ADGRG6: variants seen among roughly 807,000 people sequenced by gnomAD.
The protein encoded by ADGRG6 is adhesion G protein-coupled receptor G6.
Under a neutral mutation model 142.4 loss-of-function variants are expected in ADGRG6, and 84 were observed. The ratio of observed to expected loss-of-function variants is 0.59; its 90% CI spans 0.49 to 0.71. ADGRG6 has a LOEUF of 0.71. ADGRG6 is among the 30% of genes least tolerant of loss of function. ADGRG6 has a pLI of 0.00. For synonymous variants in ADGRG6, 521 were observed against 520.5 expected (o/e 1.00, Z -0.01); for missense variants, 1,367 against 1,466.6 (o/e 0.93, Z 1.11).
intron 2 of ADGRG6, among the ~76,000 whole-genome samples, chr6:142,334,590 C>T (rs918009685): frequency 6.6e-6 from 1 of 152,104 alleles, no homozygotes; most frequent in African/African-American, 2.4e-5. Context: ...ATGGCTTTTT[C>T]CCCAAAGTAA....
At chr6:142,348,471 A>T (rs1257088371) in intron 2 of ADGRG6, among the ~76,000 whole-genome samples, 1 of 152,184 alleles carries the variant, frequency 6.6e-6, no homozygotes, top group Non-Finnish European at 1.5e-5. Context: ...TCCCTACATT[A>T]TTAAAAAGTA....
chr6:142,358,355 A>T (rs1780555773), intron 2 of ADGRG6, among the ~76,000 whole-genome samples: 1 of 152,218 alleles, frequency 6.6e-6, no homozygotes, highest in South Asian at 2.1e-4. Context: ...TGATGAACAT[A>T]AGAGTAGTCA....
intron 1 of ADGRG6, among the ~76,000 whole-genome samples, chr6:142,305,462 AC>A: frequency 1.4e-5 from 2 of 137,988 alleles, no homozygotes; most frequent in Non-Finnish European, 3.1e-5. Flanking sequence ...ACACACACAC[AC>A]ACACACAATT....
chr6:142,309,407 G>T, intron 1 of ADGRG6, 137 bp from the exon 2 acceptor site: 2 of 535,534 alleles, frequency 3.7e-6, no homozygotes, highest in Non-Finnish European at 6.6e-6. Context: ...CATCTTTTAA[G>T]TTCCTCCTCT....
chr6:142,317,775 TA>T (rs1321476926), intron 2 of ADGRG6, among the ~76,000 whole-genome samples: 2 of 98,480 alleles, frequency 2.0e-5, no homozygotes, highest in Non-Finnish European at 3.7e-5. Context: ...ATTTATATCA[TA>T]TATATTTATA....
At chr6:142,407,873 T>A (rs192248658) in intron 15 of ADGRG6, among the ~76,000 whole-genome samples, 8 of 152,318 alleles carry the variant, frequency 5.3e-5, no homozygotes, top group Admixed American at 2.6e-4. Flanking sequence ...TTGTTTCAGT[T>A]GTTAACTGGC....
chr6:142,378,621 C>G (rs752133605), intron 4 of ADGRG6, among the ~76,000 whole-genome samples: 8 of 152,184 alleles, frequency 5.3e-5, no homozygotes, highest in Non-Finnish European at 1.2e-4. Flanking sequence ...TGTGCATTTG[C>G]TTAAGTTTTC....
chr6:142,353,827 A>G (rs1225304806), intron 2 of ADGRG6, among the ~76,000 whole-genome samples: 2 of 152,224 alleles, frequency 1.3e-5, no homozygotes, highest in Non-Finnish European at 2.9e-5. Context: ...CATGAAGCAA[A>G]TGGGTAGAAC....
chr6:142,406,719 A>G (rs1583105469), intron 15 of ADGRG6, among the ~76,000 whole-genome samples: 1 of 152,232 alleles, frequency 6.6e-6, no homozygotes, highest in Admixed American at 6.5e-5. Context: ...GGTGATTTAT[A>G]TGAATGCAAT....
chr6:142,316,030 A>C (rs894921506), intron 2 of ADGRG6, among the ~76,000 whole-genome samples: 3 of 152,056 alleles, frequency 2.0e-5, no homozygotes, highest in Non-Finnish European at 4.4e-5. Context: ...TTGATTTCTT[A>C]AAATCATTAA....
Position 142,393,920 on chromosome 6 carries a change from C to T in ADGRG6, c.1386C>T (p.Asp462=). 1 of 1,561,176 alleles carries T rather than the reference C, an allele frequency of 6.4e-7. No homozygotes were observed. The highest frequency in any genetic ancestry group is 1.2e-5 in the South Asian group (1 of 84,734). The change falls in exon 9 of 25, where the codon GAC becomes GAT. Residue 462 remains aspartate (D), a synonymous_variant. Transcript: ENST00000367609. ...NISFHLSAGE[D]KIKVKRSLED... is the part of the protein sequence containing the mutation. ...GTTTTCACCTGAGTGCTGGAGAGGACAAGATTAAAGTCAAGAGAAGCCTTG... is the reference window on the plus strand; with the variant it reads ...GTTTTCACCTGAGTGCTGGAGAGGATAAGATTAAAGTCAAGAGAAGCCTTG...
intron 22 of ADGRG6, among the ~76,000 whole-genome samples, chr6:142,425,873 A>G (rs1332181265): frequency 2.0e-5 from 3 of 152,166 alleles, no homozygotes; most frequent in African/African-American, 7.2e-5. Context: ...AGGCAAAGAG[A>G]GAGTTTGTGC....
At chr6:142,420,226 T>C in intron 22 of ADGRG6, 122 bp downstream of exon 22, 1 of 737,920 alleles carries the variant, frequency 1.4e-6, no homozygotes, top group South Asian at 1.8e-5. Flanking sequence ...CTGAATATAG[T>C]TCCATGTGCA....
At chr6:142,350,068 A>G (rs1780090948) in intron 2 of ADGRG6, among the ~76,000 whole-genome samples, 1 of 152,228 alleles carries the variant, frequency 6.6e-6, no homozygotes, top group African/African-American at 2.4e-5. Flanking sequence ...TTGATTGCAT[A>G]AGCAAGGTAA....
At chr6:142,387,688 T>G (rs1034218585) in intron 6 of ADGRG6, among the ~76,000 whole-genome samples, 1 of 152,162 alleles carries the variant, frequency 6.6e-6, no homozygotes, top group Non-Finnish European at 1.5e-5. Context: ...GCAGTGTCAT[T>G]TCTGTATTCT....
intron 2 of ADGRG6, among the ~76,000 whole-genome samples, chr6:142,334,894 A>G (rs775857011): frequency 2.0e-5 from 3 of 152,242 alleles, no homozygotes; most frequent in Non-Finnish European, 4.4e-5. Flanking sequence ...ATAATATGTT[A>G]GAGGGAAATA....
At chr6:142,310,170 T>C (rs1777696139) in intron 2 of ADGRG6, among the ~76,000 whole-genome samples, 1 of 151,892 alleles carries the variant, frequency 6.6e-6, no homozygotes, top group African/African-American at 2.4e-5. Flanking sequence ...ATTTTTGGAA[T>C]TAAAGTATTT....
At chr6:142,425,057 T>G (rs998735552) in intron 22 of ADGRG6, among the ~76,000 whole-genome samples, 1 of 152,156 alleles carries the variant, frequency 6.6e-6, no homozygotes, top group Non-Finnish European at 1.5e-5. Context: ...TCATATATCC[T>G]GAGAACAACA....
chr6:142,405,377 C>T (rs1562371323), intron 14 of ADGRG6: 2 of 485,040 alleles, frequency 4.1e-6, no homozygotes, highest in Middle Eastern at 3.1e-4. Context: ...GAGAAAACCT[C>T]AAAATCTGCT....
Sources: allele counts gnomAD v4.1 joint callset (sites outside exome capture counted in the v4.1 genomes callset), GRCh38; gene constraint gnomAD v4.1.1; transcripts MANE v1.5; gene names NCBI Gene and HGNC (gene_info 2026-07-23, HGNC 2026-07-21).